The following FBN1 variants were observed in gnomAD, a reference collection of about 807,000 sequenced individuals.
The protein encoded by FBN1 is fibrillin 1, also known as fibrillin-1.
Under a neutral mutation model 365.1 loss-of-function variants are expected in FBN1, and 29 were observed. The observed-to-expected ratio is 0.08, with a 90% confidence interval of 0.06 to 0.11. The LOEUF is 0.11. Among genes scored for constraint, FBN1 ranks in the 10% least tolerant of loss-of-function variants. FBN1 has a pLI of 1.00. For synonymous variants in FBN1, 1,210 were observed against 1,270.5 expected (o/e 0.95, Z 1.01); for missense variants, 2,476 against 3,703.2 (o/e 0.67, Z 8.60).
At chr15:48,501,808 G>C (rs1024657505) in intron 17 of FBN1, among the ~76,000 whole-genome samples, 4 of 151,998 alleles carry the variant, frequency 2.6e-5, no homozygotes, top group Non-Finnish European at 4.4e-5. Flanking sequence ...AAAGTACTTT[G>C]AAAAGTTAAA....
chr15:48,598,825 C>T (rs2044535901), intron 5 of FBN1, among the ~76,000 whole-genome samples: 1 of 152,198 alleles, frequency 6.6e-6, no homozygotes, highest in Admixed American at 6.5e-5. Flanking sequence ...GGCTGTGTCA[C>T]CACCCAAATC....
At chr15:48,497,702 C>T (rs1015665341) in intron 18 of FBN1, among the ~76,000 whole-genome samples, 10 of 152,096 alleles carry the variant, frequency 6.6e-5, no homozygotes, top group Admixed American at 2.6e-4. Flanking sequence ...AAAAATGGAT[C>T]GACAGCAGAT....
chr15:48,447,134 A>G (rs1263034691), intron 46 of FBN1, among the ~76,000 whole-genome samples: 2 of 152,172 alleles, frequency 1.3e-5, no homozygotes, highest in Non-Finnish European at 2.9e-5. Context: ...CTTTTCTCAA[A>G]TATTTTCACT....
rs1177708863 is a variant in FBN1 at position 48,472,760 on chromosome 15, A to G, written c.4211-84T>C. On this transcript the variant is annotated intron_variant, in intron 34 of 65. Coordinates refer to ENST00000316623, the MANE Select transcript of FBN1 (RefSeq NM_000138.5). ...AGGTCTATCAACTTTCCAGTGCAGC[A>G]ATGTTTTGGCATAACTTCAATTTGA... The G allele has an allele frequency of 3.1e-6, 5 of 1,592,602 alleles. No individual in the cohort carries two copies. The African/African-American group carries it at 6.7e-5, about 21-fold the overall frequency.
intron 53 of FBN1, among the ~76,000 whole-genome samples, chr15:48,435,324 TAA>T (rs36029488): frequency 7.0e-6 from 1 of 143,152 alleles, no homozygotes. Context: ...CTCTAAGGGT[TAA>T]AAAAAAAAAG....
chr15:48,583,681 C>A (rs951855592), intron 6 of FBN1, among the ~76,000 whole-genome samples: 2 of 152,156 alleles, frequency 1.3e-5, no homozygotes, highest in Non-Finnish European at 2.9e-5. Flanking sequence ...TAAAAGTAAG[C>A]AAATCTTTCA....
chr15:48,474,067 A>G (rs560401144), intron 34 of FBN1, among the ~76,000 whole-genome samples, 188 bp downstream of exon 34: 1 of 152,200 alleles, frequency 6.6e-6, no homozygotes, highest in South Asian at 2.1e-4. Flanking sequence ...CTACCTATCG[A>G]GAAGCTTTTG....
At chr15:48,547,695 T>C (rs907890280) in intron 6 of FBN1, among the ~76,000 whole-genome samples, 8 of 151,170 alleles carry the variant, frequency 5.3e-5, no homozygotes, top group African/African-American at 1.7e-4. Flanking sequence ...ATGTGGTATA[T>C]AGGTTGTTTG....
chr15:48,638,769 A>G (rs2140777317), intron 2 of FBN1, among the ~76,000 whole-genome samples: 1 of 152,332 alleles, frequency 6.6e-6, no homozygotes, highest in Admixed American at 6.5e-5. Flanking sequence ...TTCCACTGGA[A>G]AGAGAAATAC....
chr15:48,567,134 C>T (rs1244733227), intron 6 of FBN1, among the ~76,000 whole-genome samples: 1 of 152,144 alleles, frequency 6.6e-6, no homozygotes, highest in Non-Finnish European at 1.5e-5. Context: ...AGCTGGTTCA[C>T]AGATTTGTGA....
intron 8 of FBN1, among the ~76,000 whole-genome samples, chr15:48,526,673 T>C (rs2043917730): frequency 2.0e-5 from 3 of 152,220 alleles, no homozygotes; most frequent in Non-Finnish European, 4.4e-5. Flanking sequence ...CAATCTATTT[T>C]CCACAACGCG....
At chr15:48,479,046 G>C (rs933358195) in intron 32 of FBN1, among the ~76,000 whole-genome samples, 1 of 151,992 alleles carries the variant, frequency 6.6e-6, no homozygotes, top group Admixed American at 6.6e-5. Flanking sequence ...TAAATAAGTA[G>C]ACATATTCCT....
At chr15:48,447,048 G>T (rs2043165656) in intron 46 of FBN1, among the ~76,000 whole-genome samples, 1 of 152,146 alleles carries the variant, frequency 6.6e-6, no homozygotes, top group African/African-American at 2.4e-5. Context: ...CCAGTGAAAG[G>T]AGGCAAGCTA....
At chr15:48,615,048 G>C (rs1439674442) in intron 2 of FBN1, among the ~76,000 whole-genome samples, 3 of 152,182 alleles carry the variant, frequency 2.0e-5, no homozygotes, top group Non-Finnish European at 4.4e-5. Flanking sequence ...GAGGAAGTGA[G>C]GGTAGACAGC....
intron 41 of FBN1, 84 bp from the exon 42 acceptor site, chr15:48,463,324 A>G (rs1427285755): frequency 1.5e-6 from 2 of 1,303,114 alleles, no homozygotes. Context: ...GATACTCAAC[A>G]AGCAAGTTTC....
In FBN1 at chr15:48,435,790, G is replaced by A. The variant is rs1426607485; in HGVS notation, c.6497-1077C>T. ...TGTGTATATGTGTGTGTGTGTGTGT[G>A]TGTGTGTGTGTGTGTGTGTGTATAT... On this transcript the variant is annotated intron_variant, in intron 53 of 65. Transcript: ENST00000316623. Among the ~76,000 whole-genome samples, 797 of 105,724 alleles carry A rather than the reference G, an allele frequency of 7.5e-3. 6 individuals are homozygous for A. The highest frequency in any genetic ancestry group is 0.047 in the African/African-American group (775 of 16,344). 69.4% of individuals were successfully genotyped at this position (105,724 alleles called of 152,430 possible).
At position 48,421,701 on chromosome 15, in the gene FBN1, G is replaced by A. The variant is rs1306044678; in HGVS notation, c.7571-15C>T. 1 of 1,612,238 alleles carries A rather than the reference G, an allele frequency of 6.2e-7. No homozygotes were observed. The highest frequency in any genetic ancestry group is 1.7e-5 in the Admixed American group (1 of 59,866). ...TTCATTGTTATCTATGAGAAGCAGT[G>A]GGGGCAAAGAGGGGTTAAAATTCCC... On this transcript the variant is annotated splice_polypyrimidine_tract_variant and intron_variant, in intron 61 of 65. Transcript: ENST00000316623.
At chr15:48,570,179 A>T (rs1407223211) in intron 6 of FBN1, among the ~76,000 whole-genome samples, 1 of 152,124 alleles carries the variant, frequency 6.6e-6, no homozygotes, top group Non-Finnish European at 1.5e-5. Context: ...ATATCTAACC[A>T]CCTGGGGCAG....
At chr15:48,573,038 T>C (rs2044317954) in intron 6 of FBN1, among the ~76,000 whole-genome samples, 1 of 152,120 alleles carries the variant, frequency 6.6e-6, no homozygotes, top group African/African-American at 2.4e-5. Context: ...GGGCACCTGC[T>C]GGGGATGAGC....
Sources: gnomAD v4.1 joint callset for allele counts (sites outside exome capture counted in the v4.1 genomes callset) on GRCh38, gnomAD v4.1.1 for gene constraint, MANE v1.5 for transcripts, NCBI Gene and HGNC (gene_info 2026-07-23, HGNC 2026-07-21) for gene names.